CCSER1: variants seen among roughly 807,000 people sequenced by gnomAD.
CCSER1 encodes serine-rich coiled-coil domain-containing protein 1.
CCSER1 carries 41 observed loss-of-function variants against 82.0 expected under a neutral mutation model. The ratio of observed to expected loss-of-function variants is 0.50; its 90% CI spans 0.39 to 0.65. The LOEUF is 0.65. Among genes scored for constraint, CCSER1 ranks in the 30% least tolerant of loss-of-function variants. The pLI, the probability that CCSER1 is intolerant of heterozygous loss-of-function variation, is 0.00. For synonymous variants in CCSER1, 414 were observed against 383.9 expected (o/e 1.08, Z -0.92); for missense variants, 1,119 against 1,064.2 (o/e 1.05, Z -0.72).
chr4:91,164,939 G>A (rs576947880), intron 10 of CCSER1, among the ~76,000 whole-genome samples: 15 of 152,306 alleles, frequency 9.8e-5, no homozygotes, highest in African/African-American at 2.6e-4. Flanking sequence ...CTGTCAGCTC[G>A]TCAAAGTCAT....
At chr4:91,421,315 T>G (rs534485733) in intron 10 of CCSER1, among the ~76,000 whole-genome samples, 1 of 152,124 alleles carries the variant, frequency 6.6e-6, no homozygotes, top group Non-Finnish European at 1.5e-5. Context: ...TGTAATTCAG[T>G]TGGAGTCTGA....
chr4:90,233,579 T>A (rs1480990896), intron 1 of CCSER1, among the ~76,000 whole-genome samples: 6 of 151,560 alleles, frequency 4.0e-5, no homozygotes, highest in Non-Finnish European at 7.4e-5. Flanking sequence ...CATATGTAAC[T>A]AACCTGCACA....
At chr4:91,086,329 G>C (rs1386974986) in intron 10 of CCSER1, among the ~76,000 whole-genome samples, 1 of 152,044 alleles carries the variant, frequency 6.6e-6, no homozygotes, top group Admixed American at 6.6e-5. Flanking sequence ...CTGACTTACT[G>C]AGAAGTTAAC....
At chr4:90,193,093 T>C (rs1057331128) in intron 1 of CCSER1, among the ~76,000 whole-genome samples, 5 of 152,082 alleles carry the variant, frequency 3.3e-5, no homozygotes, top group Admixed American at 1.3e-4. Flanking sequence ...TTTCTAATGT[T>C]CATGATTAGT....
At chr4:90,802,010 T>C (rs1342544015) in intron 7 of CCSER1, among the ~76,000 whole-genome samples, 4 of 151,752 alleles carry the variant, frequency 2.6e-5, no homozygotes, top group Non-Finnish European at 5.9e-5. Flanking sequence ...ACGAGGTCAG[T>C]AGTTCAAGAT....
chr4:90,674,672 G>T (rs1024790497), intron 6 of CCSER1, among the ~76,000 whole-genome samples: 1 of 151,834 alleles, frequency 6.6e-6, no homozygotes, highest in Non-Finnish European at 1.5e-5. Context: ...ATAGTCTCTA[G>T]GTTGTTTGAG....
At chr4:90,634,048 T>C (rs955202502) in intron 6 of CCSER1, among the ~76,000 whole-genome samples, 4 of 151,738 alleles carry the variant, frequency 2.6e-5, no homozygotes, top group Non-Finnish European at 5.9e-5. Context: ...CTTCTTTTTC[T>C]TAAATTTTTA....
intron 10 of CCSER1, among the ~76,000 whole-genome samples, chr4:91,262,111 A>T (rs1304747923): frequency 6.6e-6 from 1 of 152,146 alleles, no homozygotes; most frequent in Non-Finnish European, 1.5e-5. Context: ...ATAAGTTATA[A>T]AAAAGTAGAT....
At chr4:90,241,905 G>T (rs527929937) in intron 1 of CCSER1, among the ~76,000 whole-genome samples, 1 of 152,214 alleles carries the variant, frequency 6.6e-6, no homozygotes, top group East Asian at 1.9e-4. Flanking sequence ...ATATGCTTTG[G>T]TATGAAATTG....
intron 5 of CCSER1, among the ~76,000 whole-genome samples, chr4:90,569,241 A>C (rs1009994886): frequency 4.6e-5 from 7 of 152,194 alleles, no homozygotes; most frequent in African/African-American, 1.4e-4. Flanking sequence ...AAGAAAAAAA[A>C]AACATAACTC....
intron 5 of CCSER1, among the ~76,000 whole-genome samples, chr4:90,520,531 C>A (rs948070599): frequency 1.3e-5 from 2 of 152,020 alleles, no homozygotes; most frequent in African/African-American, 4.8e-5. Flanking sequence ...ATTCCAAGTT[C>A]CTTCAGGACT....
intron 10 of CCSER1, among the ~76,000 whole-genome samples, chr4:91,392,620 CAT>C (rs1751733479): frequency 1.3e-5 from 2 of 151,872 alleles, no homozygotes; most frequent in Non-Finnish European, 2.9e-5. Context: ...TCTTTAGAGT[CAT>C]ATATATTAGC....
At chr4:90,281,494 T>TA (rs901780869) in intron 1 of CCSER1, among the ~76,000 whole-genome samples, 3 of 151,984 alleles carry the variant, frequency 2.0e-5, no homozygotes, top group African/African-American at 7.2e-5. Flanking sequence ...AAATAAAAGT[T>TA]AAAAAAATAA....
At chr4:91,269,231 T>C (rs1301362355) in intron 10 of CCSER1, among the ~76,000 whole-genome samples, 4 of 152,202 alleles carry the variant, frequency 2.6e-5, no homozygotes, top group Non-Finnish European at 4.4e-5. Context: ...TGTGTTTAAT[T>C]TGGATGTTTT....
At chr4:90,971,473 G>C (rs1735105574) in intron 9 of CCSER1, among the ~76,000 whole-genome samples, 1 of 151,830 alleles carries the variant, frequency 6.6e-6, no homozygotes, top group African/African-American at 2.4e-5. Flanking sequence ...ATGAGATTTG[G>C]GTGGGGAAAG....
chr4:91,378,468 T>G (rs1342406062), intron 10 of CCSER1, among the ~76,000 whole-genome samples: 2 of 152,186 alleles, frequency 1.3e-5, no homozygotes. Context: ...TCCTTCACAT[T>G]CCTTGTAAGT....
At chr4:91,521,485 C>T (rs1453196381) in intron 10 of CCSER1, among the ~76,000 whole-genome samples, 1 of 152,158 alleles carries the variant, frequency 6.6e-6, no homozygotes, top group Non-Finnish European at 1.5e-5. Flanking sequence ...AACTAATTTA[C>T]ACTCCCACCA....
At chr4:90,345,553 A>C (rs1742169461) in intron 3 of CCSER1, among the ~76,000 whole-genome samples, 1 of 152,026 alleles carries the variant, frequency 6.6e-6, no homozygotes, top group Non-Finnish European at 1.5e-5. Context: ...CAGTATGAAA[A>C]CTCTTAAATC....
rs552584091 is a variant in CCSER1, at chr4:90,773,181, G to A, written c.2011-42581G>A. Among the ~76,000 whole-genome samples the A allele has an allele frequency of 2.0e-4, 30 of 152,264 alleles. 1 individual carries two copies. In the South Asian group the frequency reaches 5.6e-3, roughly 28 times the overall value. ...CTTGAACCCAGGAGATGGAGGTTGC[G>A]GTTAGCCGAGTTCACGCCTTTGCAC... On this transcript the variant is annotated intron_variant, in intron 7 of 10. Coordinates refer to ENST00000509176, the MANE Select transcript of CCSER1 (RefSeq NM_001145065.2).
Sources: allele counts gnomAD v4.1 joint callset (sites outside exome capture counted in the v4.1 genomes callset), GRCh38; gene constraint gnomAD v4.1.1; transcripts MANE v1.5; gene names NCBI Gene and HGNC (gene_info 2026-07-23, HGNC 2026-07-21).